Variants in RPS4Y1 observed in about 807,000 individuals in gnomAD.
The protein encoded by RPS4Y1 is small ribosomal subunit protein eS4, Y isoform 1.
For synonymous variants in RPS4Y1, 23 were observed against 20.8 expected (o/e 1.10, Z -0.28); for missense variants, 30 against 60.9 (o/e 0.49, Z 1.69).
At chrY:2,843,347 C>T in intron 2 of RPS4Y1, among the ~76,000 whole-genome samples, 3 of 33,348 alleles carry the variant, frequency 9.0e-5, no homozygotes, top group Non-Finnish European at 2.2e-4. Flanking sequence ...TTAATGATCG[C>T]GAGTCCGTTT....
chrY:2,855,288 A>G, intron 5 of RPS4Y1, among the ~76,000 whole-genome samples: 2 of 34,156 alleles, frequency 5.9e-5, no homozygotes, highest in African/African-American at 2.3e-4. Flanking sequence ...TTTTAACAGA[A>G]ATTTTTAGAC....
intron 3 of RPS4Y1, among the ~76,000 whole-genome samples, chrY:2,845,188 C>T (rs2051151770): frequency 3.3e-5 from 1 of 30,600 alleles, no homozygotes; most frequent in Non-Finnish European, 7.9e-5. Context: ...ACCCCAAATC[C>T]TGAGTGAGGC....
chrY:2,860,611 A>G (rs2051162887), intron 5 of RPS4Y1, among the ~76,000 whole-genome samples: 1 of 33,748 alleles, frequency 3.0e-5, no homozygotes, highest in Non-Finnish European at 7.4e-5. Flanking sequence ...GTCATGGGCC[A>G]TGGTCGCTCA....
chrY:2,862,490 C>G, intron 5 of RPS4Y1, among the ~76,000 whole-genome samples: 2 of 33,566 alleles, frequency 6.0e-5, no homozygotes, highest in African/African-American at 2.3e-4. Flanking sequence ...TTTTGGTAAC[C>G]GCATTTTTCA....
chrY:2,862,669 T>C (rs868754154), intron 5 of RPS4Y1, among the ~76,000 whole-genome samples: 10 of 33,696 alleles, frequency 3.0e-4, no homozygotes. Context: ...GTGGTCTTTA[T>C]CATGGTGTCT....
At chrY:2,845,583 T>C in intron 3 of RPS4Y1, 63 bp from the exon 4 acceptor site, 2 of 265,094 alleles carry the variant, frequency 7.5e-6, no homozygotes, top group Non-Finnish European at 1.2e-5. Context: ...GTGTTCCTGC[T>C]GTGCAGGCAA....
intron 5 of RPS4Y1, 107 bp from the exon 6 acceptor site, chrY:2,864,981 A>AT (rs2051166017): frequency 4.6e-5 from 7 of 151,439 alleles, no homozygotes; most frequent in East Asian, 1.6e-4. Context: ...ATGATGCTCC[A>AT]TTTTTTTTTT....
At chrY:2,847,479 A>G (rs2051153416) in intron 4 of RPS4Y1, among the ~76,000 whole-genome samples, 1 of 33,910 alleles carries the variant, frequency 2.9e-5, no homozygotes, top group African/African-American at 1.2e-4. Context: ...GATTGCCATT[A>G]CAGTGGATGG....
chrY:2,841,675 G>C, intron 1 of RPS4Y1, 48 bp downstream of exon 1: 1 of 366,935 alleles, frequency 2.7e-6, no homozygotes, highest in Non-Finnish European at 3.9e-6. Flanking sequence ...TCCATCATTT[G>C]AAAAAGGGCC....
At chrY:2,852,487 T>A in intron 4 of RPS4Y1, among the ~76,000 whole-genome samples, 1 of 34,222 alleles carries the variant, frequency 2.9e-5, no homozygotes, top group Admixed American at 2.6e-4. Context: ...AGTTTTCAGT[T>A]GGTTGGTCCA....
At chrY:2,848,365 T>C (rs2051154030) in intron 4 of RPS4Y1, among the ~76,000 whole-genome samples, 1 of 33,349 alleles carries the variant, frequency 3.0e-5, no homozygotes, top group South Asian at 6.8e-4. Flanking sequence ...AAGTTTAAGT[T>C]TCAGAAAAGA....
intron 2 of RPS4Y1, 24 bp from the exon 3 acceptor site, chrY:2,844,053 G>A (rs760881461): frequency 5.1e-6 from 2 of 392,865 alleles, no homozygotes; most frequent in South Asian, 6.0e-5. Context: ...CTTAGATTAG[G>A]TTACCTTTCC....
chrY:2,845,384 A>G (rs2051151981), intron 3 of RPS4Y1, among the ~76,000 whole-genome samples: 1 of 33,108 alleles, frequency 3.0e-5, no homozygotes, highest in Non-Finnish European at 7.4e-5. Flanking sequence ...AACCCAGCAC[A>G]CAGTCTCAAG....
intron 5 of RPS4Y1, among the ~76,000 whole-genome samples, chrY:2,864,375 A>T (rs2051165652): frequency 3.2e-5 from 1 of 31,692 alleles, no homozygotes; most frequent in Admixed American, 2.8e-4. Flanking sequence ...AAAAAAGAGG[A>T]TGTGTCCTTT....
Sources: allele counts gnomAD v4.1 joint callset (sites outside exome capture counted in the v4.1 genomes callset), GRCh38; gene constraint gnomAD v4.1.1; transcripts MANE v1.5; gene names NCBI Gene and HGNC (gene_info 2026-07-23, HGNC 2026-07-21).